TMEM161B: variants seen among roughly 807,000 people sequenced by gnomAD.
The protein encoded by TMEM161B is transmembrane protein 161B.
Under a neutral mutation model 61.8 loss-of-function variants are expected in TMEM161B, and 34 were observed. The observed-to-expected ratio is 0.55, with a 90% CI of 0.42 to 0.73. The LOEUF (loss-of-function observed/expected upper bound fraction) is 0.73. TMEM161B is among the 30% of genes least tolerant of loss of function. The pLI is 0.00. For missense variants in TMEM161B, 456 were observed against 558.5 expected (o/e 0.82, Z 1.85); for synonymous variants, 167 against 192.8 (o/e 0.87, Z 1.11).
At chr5:88,197,181 A>C (rs997390597) in intron 11 of TMEM161B, among the ~76,000 whole-genome samples, 2 of 152,282 alleles carry the variant, frequency 1.3e-5, no homozygotes, top group African/African-American at 4.8e-5. Flanking sequence ...CTCTTGAATA[A>C]CACCACCACA....
intron 1 of TMEM161B, among the ~76,000 whole-genome samples, chr5:88,258,123 T>C (rs1324309047): frequency 6.6e-6 from 1 of 152,072 alleles, no homozygotes; most frequent in East Asian, 1.9e-4. Context: ...AATTAGAAAA[T>C]AGTTTTAATC....
chr5:88,231,273 G>A (rs1750941716), intron 2 of TMEM161B, among the ~76,000 whole-genome samples: 1 of 152,156 alleles, frequency 6.6e-6, no homozygotes, highest in African/African-American at 2.4e-5. Flanking sequence ...CAAATTTGTA[G>A]CCTATTAATA....
At chr5:88,203,258 G>A (rs1744764990) in intron 8 of TMEM161B, among the ~76,000 whole-genome samples, 183 bp from the exon 9 acceptor site, 1 of 152,034 alleles carries the variant, frequency 6.6e-6, no homozygotes, top group East Asian at 1.9e-4. Flanking sequence ...GAGCCTGTGA[G>A]AAATTATATC....
intron 2 of TMEM161B, among the ~76,000 whole-genome samples, chr5:88,235,337 TAA>T (rs1012890470): frequency 6.6e-6 from 1 of 152,196 alleles, no homozygotes; most frequent in African/African-American, 2.4e-5. Flanking sequence ...CATAATCATA[TAA>T]AACTCTATTT....
chr5:88,191,329 A>G (rs79767541), downstream of TMEM161B, among the ~76,000 whole-genome samples: 620 of 152,332 alleles, frequency 4.1e-3, 11 homozygotes, highest in African/African-American at 0.014. Flanking sequence ...ATACACATCC[A>G]GATATCCTAT....
intron 9 of TMEM161B, chr5:88,202,150 A>G (rs181296259): frequency 1.8e-4 from 82 of 454,408 alleles, no homozygotes; most frequent in African/African-American, 1.5e-3. Context: ...GGCTCAGTGA[A>G]GTTAAATAAC....
intron 2 of TMEM161B, among the ~76,000 whole-genome samples, chr5:88,240,015 G>A (rs543992880): frequency 3.8e-4 from 58 of 151,950 alleles, no homozygotes; most frequent in Non-Finnish European, 7.1e-4. Flanking sequence ...ATTTTGGCAT[G>A]TATTTCTGTG....
chr5:88,260,301 A>T (rs1187535877), intron 1 of TMEM161B, among the ~76,000 whole-genome samples: 1 of 152,252 alleles, frequency 6.6e-6, no homozygotes, highest in Non-Finnish European at 1.5e-5. Context: ...CATAATGTAC[A>T]TTCAGCTAAA....
chr5:88,261,701 T>C (rs1334725915), intron 1 of TMEM161B, among the ~76,000 whole-genome samples: 5 of 93,268 alleles, frequency 5.4e-5, no homozygotes, highest in African/African-American at 2.0e-4. Context: ...TTTCACCAAA[T>C]GGTACTGAAA....
downstream of TMEM161B, among the ~76,000 whole-genome samples, chr5:88,186,290 T>G (rs1217128706): frequency 6.6e-6 from 1 of 152,168 alleles, no homozygotes; most frequent in East Asian, 1.9e-4. Context: ...TCCTCTTTCC[T>G]CAGGAGGAAA....
chr5:88,187,606 GTTCA>G (rs1748430027), downstream of TMEM161B, among the ~76,000 whole-genome samples: 1 of 152,064 alleles, frequency 6.6e-6, no homozygotes, highest in Admixed American at 6.5e-5. Context: ...TTTTTCAAGT[GTTCA>G]TTGCTTGTAT....
chr5:88,228,336 TCAACTACTTACAACATAATTGGTA>T, intron 3 of TMEM161B, 85 bp downstream of exon 3: 1 of 797,784 alleles, frequency 1.3e-6, no homozygotes, highest in Non-Finnish European at 2.0e-6. Context: ...CTCAAATTTA[TCAACTACTTACAACATAATTGGTA>T]CATGTTTCTT....
intron 1 of TMEM161B, among the ~76,000 whole-genome samples, chr5:88,261,289 T>G (rs1386675996): frequency 6.6e-6 from 1 of 152,082 alleles, no homozygotes; most frequent in African/African-American, 2.4e-5. Flanking sequence ...AATGGAGAGA[T>G]ATTCCATGTT....
intron 8 of TMEM161B, 133 bp from the exon 9 acceptor site, chr5:88,203,208 C>A: frequency 1.8e-6 from 1 of 559,176 alleles, no homozygotes; most frequent in Non-Finnish European, 3.2e-6. Flanking sequence ...ACTACTGTCA[C>A]CATCATTTTA....
At chr5:88,199,264 A>G (rs1750271240) in intron 9 of TMEM161B, 114 bp from the exon 10 acceptor site, 3 of 1,011,148 alleles carry the variant, frequency 3.0e-6, no homozygotes, top group Non-Finnish European at 4.2e-6. Flanking sequence ...CGCAACAGTT[A>G]GACACATAAA....
At chr5:88,214,171 T>C (rs1302290480) in intron 5 of TMEM161B, among the ~76,000 whole-genome samples, 1 of 152,196 alleles carries the variant, frequency 6.6e-6, no homozygotes, top group Non-Finnish European at 1.5e-5. Context: ...TCACAGCTTT[T>C]AGCTTTGTAT....
chr5:88,258,066 TC>T (rs1445489905), intron 1 of TMEM161B, among the ~76,000 whole-genome samples: 1 of 152,202 alleles, frequency 6.6e-6, no homozygotes, highest in African/African-American at 2.4e-5. Context: ...TGGGAAGCTC[TC>T]TATTAAAATC....
At chr5:88,218,278 G>A (rs991200589) in intron 5 of TMEM161B, among the ~76,000 whole-genome samples, 2 of 151,988 alleles carry the variant, frequency 1.3e-5, no homozygotes, top group East Asian at 1.9e-4. Context: ...GATGAGATTC[G>A]GTGTGTCCAG....
intron 11 of TMEM161B, among the ~76,000 whole-genome samples, chr5:88,197,308 G>T (rs1269827532): frequency 6.6e-6 from 1 of 152,090 alleles, no homozygotes; most frequent in Non-Finnish European, 1.5e-5. Flanking sequence ...ATTTATGTAA[G>T]TTTATAATTG....
Sources: allele counts gnomAD v4.1 joint callset (sites outside exome capture counted in the v4.1 genomes callset), GRCh38; gene constraint gnomAD v4.1.1; transcripts MANE v1.5; gene names NCBI Gene and HGNC (gene_info 2026-07-23, HGNC 2026-07-21).